The following ZDBF2 variants were observed in gnomAD, a reference collection of about 807,000 sequenced individuals.
ZDBF2 encodes DBF4-type zinc finger-containing protein 2.
Under a neutral mutation model 9.4 loss-of-function variants are expected in ZDBF2, and 6 were observed. That is an observed-to-expected ratio of 0.64 (90% confidence interval 0.35 to 1.27). ZDBF2 has a LOEUF of 1.27. Ranked by LOEUF, ZDBF2 falls within the 50% of genes most tolerant of loss-of-function variation. ZDBF2 has a pLI of 0.03. For synonymous variants in ZDBF2, 905 were observed against 946.3 expected (o/e 0.96, Z 0.80); for missense variants, 2,697 against 2,766.8 (o/e 0.97, Z 0.57).
chr2:206,303,632 A>G (rs1159460797), intron 4 of ZDBF2, among the ~76,000 whole-genome samples: 1 of 152,182 alleles, frequency 6.6e-6, no homozygotes, highest in African/African-American at 2.4e-5. Flanking sequence ...TGGGAAATAC[A>G]TATACATAGA....
chr2:206,296,006 A>G (rs1041908158), intron 3 of ZDBF2, among the ~76,000 whole-genome samples: 2 of 152,214 alleles, frequency 1.3e-5, no homozygotes, highest in Admixed American at 1.3e-4. Flanking sequence ...TTAATACAAT[A>G]ATCCAACCCT....
chr2:206,303,634 A>T (rs1692616713), intron 4 of ZDBF2, among the ~76,000 whole-genome samples: 1 of 152,182 alleles, frequency 6.6e-6, no homozygotes, highest in Admixed American at 6.5e-5. Context: ...GGAAATACAT[A>T]TACATAGACA....
chr2:206,290,913 T>G (rs1471005077), intron 3 of ZDBF2, among the ~76,000 whole-genome samples: 1 of 152,126 alleles, frequency 6.6e-6, no homozygotes, highest in Admixed American at 6.5e-5. Flanking sequence ...TATCCTTGGT[T>G]TTTTTTGGAT....
intron 4 of ZDBF2, among the ~76,000 whole-genome samples, chr2:206,301,275 A>G (rs1692485765): frequency 6.6e-6 from 1 of 152,012 alleles, no homozygotes; most frequent in Non-Finnish European, 1.5e-5. Flanking sequence ...TTTTTTCAGA[A>G]CCTAATTGTT....
chr2:206,312,925 A>C lies in ZDBF2; in HGVS notation c.*1332A>C, dbSNP rs962343084. 7 of 152,242 alleles carry C rather than the reference A, an allele frequency of 4.6e-5. No homozygotes were observed. The highest frequency in any genetic ancestry group is 8.8e-5 in the Non-Finnish European group (6 of 68,040). The allele number at this position is 152,242 out of a possible 1,614,324, so 9.4% of individuals were successfully genotyped here. ...TAACAGATTTTAACAGTTCAAATGAAAGATGTTAACGAGATGCAGTTTGAG... is the reference window on the plus strand; with the variant it reads ...TAACAGATTTTAACAGTTCAAATGACAGATGTTAACGAGATGCAGTTTGAG... On this transcript the variant is annotated 3_prime_UTR_variant, in exon 5 of 5. Transcript: ENST00000374423.
At chr2:206,297,460 G>A in intron 4 of ZDBF2, 87 bp downstream of exon 4, 1 of 1,212,636 alleles carries the variant, frequency 8.2e-7, no homozygotes, top group Non-Finnish European at 1.1e-6. Context: ...TACTTTAAGT[G>A]AATCTTTGAG....
rs149644691 is a variant in ZDBF2 at position 206,280,710 on chromosome 2, A to G, written c.-49-1091A>G. ...CATAATAAGAAGTAATAGGTAAGTA[A>G]ATATTATGCTAGCATTTTGACTTAA... On this transcript the variant is annotated intron_variant, in intron 2 of 4. Coordinates refer to ENST00000374423, the MANE Select transcript of ZDBF2 (RefSeq NM_020923.3). 7.3e-5 allele frequency among the ~76,000 whole-genome samples: 11 copies of G among 151,196 alleles called. No individual in the cohort carries two copies. In the East Asian group the frequency reaches 2.1e-3, roughly 29 times the overall value.
In ZDBF2 at chr2:206,308,360, G is replaced by C; in HGVS notation, c.3832G>C (p.Val1278Leu). The C allele has an allele frequency of 6.2e-7, 1 of 1,612,976 alleles. No individual in the cohort carries two copies. Among genetic ancestry groups the C allele is most frequent in the Non-Finnish European group, 8.5e-7 (1 of 1,179,656 alleles). ...GCATGTTGACTTGGAAAATAAGATT[G>C]TCAAACCTACAGATTCCAGAATAAA... The part of the protein sequence containing the change: ...KEHVDLENKI[V>L]KPTDSRINFD... Residue 1278 changes from valine to leucine, a missense_variant, in exon 5 of 5, where the codon GTC becomes CTC. By Grantham distance (32) the Val-to-Leu change is conservative. This residue lies in a region of ZDBF2 where 1,783 missense variants were observed against 1,776.5 expected (regional missense o/e 1.00). Coordinates refer to ENST00000374423, the MANE Select transcript of ZDBF2 (RefSeq NM_020923.3).
chr2:206,293,774 G>A (rs1474240086), intron 3 of ZDBF2, among the ~76,000 whole-genome samples: 2 of 152,170 alleles, frequency 1.3e-5, no homozygotes, highest in African/African-American at 4.8e-5. Context: ...TTGATAAGGA[G>A]ATAGGAATAC....
At chr2:206,280,513 A>G (rs1046593016) in intron 2 of ZDBF2, among the ~76,000 whole-genome samples, 3 of 152,188 alleles carry the variant, frequency 2.0e-5, no homozygotes, top group Non-Finnish European at 2.9e-5. Context: ...TGTAAGTACA[A>G]TTTAAAATAA....
At chr2:206,288,447 G>A (rs896933462) in intron 3 of ZDBF2, among the ~76,000 whole-genome samples, 5 of 152,200 alleles carry the variant, frequency 3.3e-5, no homozygotes, top group African/African-American at 1.2e-4. Context: ...GGATCCACCT[G>A]TTCTTGTTTT....
rs760558085 is a variant in ZDBF2 at position 206,308,841 on chromosome 2, A to T, written c.4313A>T (p.Asp1438Val). ...PVKEINLQKK[D>V]HNDLENKNCE... is the part of the protein sequence containing the mutation. ...AAAGAAATAAACTTGCAAAAGAAGGATCATAATGATCTAGAAAATAAGAAC... is the reference window on the plus strand; with the variant it reads ...AAAGAAATAAACTTGCAAAAGAAGGTTCATAATGATCTAGAAAATAAGAAC... Residue 1438 changes from aspartate to valine, a missense_variant, in exon 5 of 5, where the codon GAT becomes GTT. Asp to Val is a radical substitution (Grantham distance 152, BLOSUM62 -3). This residue lies in a region of ZDBF2 where 1,783 missense variants were observed against 1,776.5 expected (regional missense o/e 1.00). Transcript: ENST00000374423. The T allele has an allele frequency of 6.2e-7, 1 of 1,613,756 alleles. No individual in the cohort carries two copies. The highest frequency in any genetic ancestry group is 8.5e-7 in the Non-Finnish European group (1 of 1,179,836).
chr2:206,311,189 G>C lies in ZDBF2; in HGVS notation c.6661G>C (p.Asp2221His). ...AATTTGGATTCGGACCAAACCAAGTGATATCATTAGAAAGTATATTTCGAA... is the reference window on the plus strand; with the variant it reads ...AATTTGGATTCGGACCAAACCAAGTCATATCATTAGAAAGTATATTTCGAA... The part of the protein sequence containing the change: ...QSIWIRTKPS[D>H]IIRKYISKYS... Residue 2221 changes from aspartate (D) to histidine (H), a missense_variant, in exon 5 of 5, where the codon GAT (aspartate) becomes CAT (histidine). Around this residue, in one of 3 missense-constraint regions of ZDBF2, gnomAD observed 1,783 missense variants for 1,776.5 expected, o/e 1.00. Coordinates refer to ENST00000374423, the MANE Select transcript of ZDBF2 (RefSeq NM_020923.3). The C allele has an allele frequency of 6.2e-7, 1 of 1,612,836 alleles. No homozygotes were observed. The highest frequency in any genetic ancestry group is 8.5e-7 in the Non-Finnish European group (1 of 1,179,604).
chr2:206,309,344 C>T lies in ZDBF2; in HGVS notation c.4816C>T (p.Arg1606Trp), dbSNP rs201565836. The change falls in exon 5 of 5, where the codon CGG (arginine) becomes TGG (tryptophan). Residue 1606 changes from arginine (R) to tryptophan (W), a missense_variant. Physicochemically the swap from Arg to Trp is moderately radical, Grantham distance 101 (BLOSUM62 -3). This residue lies in a region of ZDBF2 where 1,783 missense variants were observed against 1,776.5 expected (regional missense o/e 1.00). Coordinates refer to ENST00000374423, the MANE Select transcript of ZDBF2 (RefSeq NM_020923.3). The stretch of plus-strand genomic sequence containing the variant: ...CAAAGAGACTTTCAAAATAATAAAC[C>T]GGAAGAAGGACTATATTATTCTGGG... ...QCKETFKIIN[R>W]KKDYIILGEP... The T allele has an allele frequency of 2.0e-4, 315 of 1,612,704 alleles. No individual in the cohort carries two copies. Among genetic ancestry groups the T allele is most frequent in the Non-Finnish European group, 2.2e-4 (255 of 1,179,466 alleles).
intron 3 of ZDBF2, among the ~76,000 whole-genome samples, chr2:206,296,355 A>T (rs967194594): frequency 6.6e-6 from 1 of 152,152 alleles, no homozygotes; most frequent in African/African-American, 2.4e-5. Flanking sequence ...CCCATTAGTC[A>T]CTCAGTAGCT....
In ZDBF2 at chr2:206,305,059, G is replaced by A; in HGVS notation, c.531G>A (p.Leu177=). 6.2e-7 allele frequency: 1 copy of A among 1,613,700 alleles called. No homozygotes were observed. The highest frequency in any genetic ancestry group is 1.1e-5 in the South Asian group (1 of 91,066). Residue 177 remains leucine (L), a synonymous_variant, in exon 5 of 5, where the codon TTG becomes TTA. Transcript: ENST00000374423. ...AGGCTACAAATAATAGAAGCAACTT[G>A]GTACGCCCCCCAGTGATTTGTAATG... is the stretch of plus-strand genomic sequence containing the variant. ...IGQATNNRSN[L]VRPPVICNAP...
chr2:206,281,182 G>C (rs13000757), intron 2 of ZDBF2, among the ~76,000 whole-genome samples: 4 of 151,954 alleles, frequency 2.6e-5, no homozygotes, highest in African/African-American at 9.7e-5. Flanking sequence ...TATTTGTAGA[G>C]AAATCTAAAC....
chr2:206,275,895 ACCTAAAGCCT>A (rs1690973834), intron 1 of ZDBF2, among the ~76,000 whole-genome samples: 1 of 152,212 alleles, frequency 6.6e-6, no homozygotes, highest in South Asian at 2.1e-4. Context: ...TATCGTTTGA[ACCTAAAGCCT>A]AGAAGGCAAG....
chr2:206,310,742 G>C lies in ZDBF2; in HGVS notation c.6214G>C (p.Glu2072Gln). 2 of 1,613,862 alleles carry C rather than the reference G, an allele frequency of 1.2e-6. No individual in the cohort carries two copies. The highest frequency in any genetic ancestry group is 1.1e-5 in the South Asian group (1 of 91,078). ...TCCTCCCCTGAGTGTAATAGTACCAGAGTTTGAGAGGCGTAACTGGGTTAA... is the reference window on the plus strand; with the variant it reads ...TCCTCCCCTGAGTGTAATAGTACCACAGTTTGAGAGGCGTAACTGGGTTAA... ...ISPPLSVIVP[E>Q]FERRNWVKIH... The change falls in exon 5 of 5, where the codon GAG becomes CAG. Residue 2072 changes from glutamate to glutamine, a missense_variant. Coordinates refer to ENST00000374423, the MANE Select transcript of ZDBF2 (RefSeq NM_020923.3).
Sources: gnomAD v4.1 joint callset for allele counts (sites outside exome capture counted in the v4.1 genomes callset) on GRCh38, gnomAD v4.1.1 for gene constraint, gnomAD v4.1.1 regional missense constraint, MANE v1.5 for transcripts, NCBI Gene and HGNC (gene_info 2026-07-23, HGNC 2026-07-21) for gene names.